The following ANXA9 variants were observed in gnomAD, a reference collection of about 807,000 sequenced individuals.
The protein encoded by ANXA9 is annexin 31.
Under a neutral mutation model 51.8 loss-of-function variants are expected in ANXA9, and 47 were observed. The observed-to-expected ratio is 0.91, with a 90% confidence interval of 0.72 to 1.16. The LOEUF is 1.16. ANXA9 is among the 50% of genes most tolerant of loss of function. The pLI, the probability that ANXA9 is intolerant of heterozygous loss-of-function variation, is 0.00. For missense variants in ANXA9, 361 were observed against 424.7 expected (o/e 0.85, Z 1.32); for synonymous variants, 154 against 168.7 (o/e 0.91, Z 0.68).
chr1:150,984,265 G>C lies in ANXA9; in HGVS notation c.268-16G>C. 6.2e-7 allele frequency: 1 copy of C among 1,611,468 alleles called. No homozygotes were observed. Among genetic ancestry groups the C allele is most frequent in the Non-Finnish European group, 8.5e-7 (1 of 1,177,572 alleles). On this transcript the variant is annotated splice_polypyrimidine_tract_variant and intron_variant, in intron 5 of 13. Coordinates refer to ENST00000368947, the MANE Select transcript of ANXA9 (RefSeq NM_003568.3). ...CCTCACCCCCGTCCCTCTGCTGTGA[G>C]GACCATTTATTGTAGGACCTGATGA...
At chr1:150,979,934 G>T (rs917961733), upstream of ANXA9, among the ~76,000 whole-genome samples, 1 of 152,126 alleles carries the variant, frequency 6.6e-6, no homozygotes, top group Non-Finnish European at 1.5e-5. Context: ...TGATGATGAG[G>T]AAACTGAGCA....
chr1:150,994,371 C>T (rs964166188), intron 12 of ANXA9, among the ~76,000 whole-genome samples: 1 of 152,048 alleles, frequency 6.6e-6, no homozygotes, highest in Non-Finnish European at 1.5e-5. Flanking sequence ...TCAAGCTGCC[C>T]CCACAGAGAC....
intron 12 of ANXA9, among the ~76,000 whole-genome samples, chr1:150,989,931 C>T (rs1276464629): frequency 6.6e-6 from 1 of 152,152 alleles, no homozygotes; most frequent in Non-Finnish European, 1.5e-5. Context: ...TAAATACAAA[C>T]TATCCCAGCA....
intron 12 of ANXA9, among the ~76,000 whole-genome samples, chr1:150,993,958 A>G (rs1019444999): frequency 2.6e-5 from 4 of 152,086 alleles, no homozygotes; most frequent in Admixed American, 6.6e-5. Context: ...TGAACCTTTC[A>G]TTACTTTCTT....
intron 7 of ANXA9, 142 bp from the exon 8 acceptor site, chr1:150,986,193 TG>T: frequency 3.0e-6 from 2 of 662,666 alleles, no homozygotes; most frequent in South Asian, 1.8e-5. Flanking sequence ...CCTTACATCC[TG>T]GGAATTAGCA....
At chr1:150,987,613 A>G (rs950964227) in intron 9 of ANXA9, among the ~76,000 whole-genome samples, 1 of 151,338 alleles carries the variant, frequency 6.6e-6, no homozygotes, top group African/African-American at 2.4e-5. Context: ...CTGTAATCCC[A>G]GCTACTCAGG....
At chr1:150,985,389 G>C (rs940017692) in intron 7 of ANXA9, among the ~76,000 whole-genome samples, 2 of 152,030 alleles carry the variant, frequency 1.3e-5, no homozygotes, top group Non-Finnish European at 2.9e-5. Flanking sequence ...AGGAAAAGGT[G>C]GGAATCTGCC....
Position 150,983,421 on chromosome 1 carries a change from C to T in ANXA9, c.159C>T (p.Ala53=). 6.2e-7 allele frequency: 1 copy of T among 1,611,362 alleles called. No individual in the cohort carries two copies. The highest frequency in any genetic ancestry group is 8.5e-7 in the Non-Finnish European group (1 of 1,178,784). ...VDKDAQRLLR[A]ITGQGVDRSA... is the part of the protein sequence containing the mutation. ...AGGATGCGCAGAGGCTACTGAGGGC[C>T]ATTACTGGCCAAGGTGAGCCCCTTT... is the stretch of plus-strand genomic sequence containing the variant. Residue 53 remains alanine (A), a synonymous_variant, in exon 4 of 14, where the codon GCC becomes GCT. Coordinates refer to ENST00000368947, the MANE Select transcript of ANXA9 (RefSeq NM_003568.3).
chr1:150,987,961 A>G lies in ANXA9; in HGVS notation c.697+5A>G. 1 of 1,614,108 alleles carries G rather than the reference A, an allele frequency of 6.2e-7. No individual in the cohort carries two copies. The highest frequency in any genetic ancestry group is 1.1e-5 in the South Asian group (1 of 91,080). On this transcript the variant is annotated splice_donor_5th_base_variant and intron_variant, in intron 10 of 13. Coordinates refer to ENST00000368947, the MANE Select transcript of ANXA9 (RefSeq NM_003568.3). ...ATCCTGAACACCTCATCCGAGGTAC[A>G]CACAAGCCTTCTTGTCCCCCTAGCT...
At chr1:150,986,188 C>T (rs1176471431) in intron 7 of ANXA9, 148 bp from the exon 8 acceptor site, 6 of 650,492 alleles carry the variant, frequency 9.2e-6, no homozygotes, top group Non-Finnish European at 1.6e-5. Context: ...TTGTGCCTTA[C>T]ATCCTGGGAA....
intron 7 of ANXA9, among the ~76,000 whole-genome samples, chr1:150,984,923 A>G (rs1671512696): frequency 1.3e-5 from 2 of 151,916 alleles, no homozygotes; most frequent in African/African-American, 4.8e-5. Flanking sequence ...ACACTTTGGG[A>G]GGCTGAGGTG....
At chr1:150,984,730 G>A in intron 7 of ANXA9, 54 bp downstream of exon 7, 1 of 1,481,800 alleles carries the variant, frequency 6.7e-7, no homozygotes, top group Non-Finnish European at 9.4e-7. Flanking sequence ...TGTAGGACAG[G>A]CCACTCCTCT....
intron 6 of ANXA9, 65 bp downstream of exon 6, chr1:150,984,459 C>T (rs1558038618): frequency 1.3e-6 from 2 of 1,573,694 alleles, no homozygotes; most frequent in African/African-American, 1.4e-5. Flanking sequence ...CTTGCTTTTG[C>T]AAGACGAGAG....
intron 13 of ANXA9, chr1:150,995,007 G>A (rs1049473554): frequency 4.3e-5 from 11 of 253,976 alleles, no homozygotes; most frequent in African/African-American, 9.2e-5. Flanking sequence ...CAGGAGAGTC[G>A]CTTGAACCCA....
intron 12 of ANXA9, among the ~76,000 whole-genome samples, chr1:150,992,196 A>G (rs1318978972): frequency 6.6e-6 from 1 of 152,252 alleles, no homozygotes; most frequent in Non-Finnish European, 1.5e-5. Context: ...AATCTGTAGT[A>G]AAAATTAATG....
chr1:150,984,440 G>A (rs1164470341), intron 6 of ANXA9, 46 bp downstream of exon 6: 1 of 1,596,904 alleles, frequency 6.3e-7, no homozygotes, highest in South Asian at 1.1e-5. Flanking sequence ...AAGGGAGAAG[G>A]CTGTCAGCCT....
intron 12 of ANXA9, among the ~76,000 whole-genome samples, chr1:150,988,904 G>A (rs587753663): frequency 1.3e-5 from 2 of 151,960 alleles, no homozygotes; most frequent in Admixed American, 6.5e-5. Flanking sequence ...TCAGCTATAC[G>A]ATAAGTGCTC....
upstream of ANXA9, among the ~76,000 whole-genome samples, chr1:150,979,952 G>T (rs1671388493): frequency 2.0e-5 from 3 of 152,134 alleles, no homozygotes; most frequent in Admixed American, 2.0e-4. Flanking sequence ...GCACAGAATA[G>T]TTGCCCAAGG....
rs17610239 is a variant in ANXA9, at chr1:150,982,779, G to A, written c.-17+196G>A. On this transcript the variant is annotated intron_variant, in intron 2 of 13. Coordinates refer to ENST00000368947, the MANE Select transcript of ANXA9 (RefSeq NM_003568.3). ...AGACCTCAGAAGGGAGGCATCTACC[G>A]CGGACCAAGGCCTGAGGAGCTTTGG... Among the ~76,000 whole-genome samples the A allele has an allele frequency of 2.3e-3, 347 of 152,290 alleles. 1 individual carries two copies. The highest frequency in any genetic ancestry group is 0.014 in the Middle Eastern group (4 of 294).
Sources: gnomAD v4.1 joint callset for allele counts (sites outside exome capture counted in the v4.1 genomes callset) on GRCh38, gnomAD v4.1.1 for gene constraint, MANE v1.5 for transcripts, NCBI Gene and HGNC (gene_info 2026-07-23, HGNC 2026-07-21) for gene names.